Variants in TSPAN18 observed in about 807,000 individuals in gnomAD.
TSPAN18 encodes the protein tetraspanin-18.
A neutral mutation model predicts 27.3 loss-of-function variants in TSPAN18; 14 were observed. The observed-to-expected ratio is 0.51, with a 90% confidence interval of 0.34 to 0.80. TSPAN18 has a LOEUF of 0.80. Among genes scored for constraint, TSPAN18 ranks in the 30% least tolerant of loss-of-function variants. The pLI is 0.01. For missense variants in TSPAN18, 268 were observed against 323.9 expected, an observed-to-expected ratio of 0.83 and a Z score of 1.32; for synonymous variants, 143 against 136.5, an observed-to-expected ratio of 1.05 and a Z score of -0.33.
chr11:44,791,631 C>A (rs1481971282), intron 2 of TSPAN18, among the ~76,000 whole-genome samples: 1 of 152,242 alleles, frequency 6.6e-6, no homozygotes, highest in Non-Finnish European at 1.5e-5. Flanking sequence ...TCCTGGTCCC[C>A]CCTGTGTCCC....
intron 3 of TSPAN18, among the ~76,000 whole-genome samples, chr11:44,891,215 C>T (rs1043302850): frequency 6.6e-6 from 1 of 152,160 alleles, no homozygotes; most frequent in African/African-American, 2.4e-5. Flanking sequence ...TAAATGGTTT[C>T]CTTTTTAATC....
At chr11:44,800,363 G>A (rs1392140630) in intron 2 of TSPAN18, among the ~76,000 whole-genome samples, 3 of 152,178 alleles carry the variant, frequency 2.0e-5, no homozygotes, top group Admixed American at 6.5e-5. Flanking sequence ...GGATCTGGCG[G>A]ATCTGGGGTT....
At chr11:44,805,173 C>T (rs1184589283) in intron 2 of TSPAN18, among the ~76,000 whole-genome samples, 1 of 152,146 alleles carries the variant, frequency 6.6e-6, no homozygotes, top group Non-Finnish European at 1.5e-5. Context: ...AAAGACTGGT[C>T]ATTTTCATAA....
At chr11:44,735,138 C>A (rs890820600) in intron 1 of TSPAN18, among the ~76,000 whole-genome samples, 6 of 152,146 alleles carry the variant, frequency 3.9e-5, no homozygotes, top group African/African-American at 1.2e-4. Flanking sequence ...AAGAGTGTAG[C>A]CTTCCCCTGC....
At chr11:44,734,995 G>C (rs1485244234) in intron 1 of TSPAN18, among the ~76,000 whole-genome samples, 3 of 152,240 alleles carry the variant, frequency 2.0e-5, no homozygotes, top group Admixed American at 6.5e-5. Context: ...GGTCCCTGTG[G>C]AGAAAAGCTG....
chr11:44,915,953 G>A (rs1051241051), intron 5 of TSPAN18, among the ~76,000 whole-genome samples: 3 of 152,198 alleles, frequency 2.0e-5, no homozygotes, highest in African/African-American at 7.2e-5. Flanking sequence ...AGCCCATGGT[G>A]CATCTGAGGG....
intron 2 of TSPAN18, among the ~76,000 whole-genome samples, chr11:44,768,892 ATTTTTTTT>A (rs60616294): frequency 3.1e-4 from 31 of 101,236 alleles, no homozygotes; most frequent in African/African-American, 8.5e-4. Flanking sequence ...ATACTATTTG[ATTTTTTTT>A]TTTTTTTTTT....
At chr11:44,919,719 C>G in intron 7 of TSPAN18, 98 bp from the exon 8 acceptor site, 1 of 1,261,022 alleles carries the variant, frequency 7.9e-7, no homozygotes, top group Non-Finnish European at 1.2e-6. Context: ...ACCCAGTCTT[C>G]TGATGCCACT....
At chr11:44,827,864 C>T (rs1021980463) in intron 2 of TSPAN18, among the ~76,000 whole-genome samples, 1 of 152,150 alleles carries the variant, frequency 6.6e-6, no homozygotes, top group African/African-American at 2.4e-5. Flanking sequence ...ATGGCTGGGT[C>T]CTGAAACAGG....
chr11:44,911,188 C>T (rs565417785), intron 5 of TSPAN18, among the ~76,000 whole-genome samples: 4 of 152,294 alleles, frequency 2.6e-5, no homozygotes, highest in Non-Finnish European at 4.4e-5. Context: ...GGTAAGCTTG[C>T]GGATGCTCCT....
chr11:44,770,242 A>C (rs1250324367), intron 2 of TSPAN18, among the ~76,000 whole-genome samples: 1 of 152,230 alleles, frequency 6.6e-6, no homozygotes, highest in African/African-American at 2.4e-5. Flanking sequence ...GGTGCTATGA[A>C]GTTCAATAAT....
chr11:44,727,701 A>AGGGACTGGGAGCGGCGATC (rs1171456630), intron 1 of TSPAN18, among the ~76,000 whole-genome samples: 2 of 151,894 alleles, frequency 1.3e-5, no homozygotes, highest in African/African-American at 2.4e-5. Context: ...GTGAGGGACC[A>AGGGACTGGGAGCGGCGATC]GGGACTGGGA....
intron 2 of TSPAN18, among the ~76,000 whole-genome samples, chr11:44,857,462 C>G (rs535138850): frequency 7.2e-5 from 11 of 152,364 alleles, no homozygotes; most frequent in African/African-American, 2.6e-4. Flanking sequence ...GCTTCCCTAC[C>G]TGCTGGCAGC....
Position 44,837,789 on chromosome 11 carries a change from C to T in TSPAN18, c.-152-22539C>T, listed in dbSNP as rs577845251. On this transcript the variant is annotated intron_variant, in intron 2 of 9. Transcript: ENST00000520358. Reference sequence around the variant, plus strand: ...CATTACTACTTGCTGAAGGCTCAGACGATATTTAGCATTTTTTAGCAATGA... The same window carrying T: ...CATTACTACTTGCTGAAGGCTCAGATGATATTTAGCATTTTTTAGCAATGA... Among the ~76,000 whole-genome samples the T allele has an allele frequency of 3.9e-5, 6 of 152,300 alleles. No homozygotes were observed. In the South Asian group the frequency reaches 6.2e-4, roughly 16 times the overall value.
At chr11:44,890,742 CAAA>C (rs60185116) in intron 3 of TSPAN18, among the ~76,000 whole-genome samples, 14 of 80,426 alleles carry the variant, frequency 1.7e-4, no homozygotes, top group East Asian at 7.2e-4. Context: ...GACTCCAACT[CAAA>C]AAAAAAAAAA....
At chr11:44,729,213 T>C (rs2134783438) in intron 1 of TSPAN18, among the ~76,000 whole-genome samples, 1 of 152,322 alleles carries the variant, frequency 6.6e-6, no homozygotes, top group South Asian at 2.1e-4. Context: ...AAGCCTGCTG[T>C]GTCTGGATAG....
intron 2 of TSPAN18, among the ~76,000 whole-genome samples, chr11:44,850,847 G>C (rs1385048485): frequency 1.1e-4 from 17 of 152,086 alleles, no homozygotes; most frequent in Admixed American, 9.8e-4. Context: ...CACTCCCCTG[G>C]CTCAGGCTCC....
chr11:44,856,343 C>G (rs1857737323), intron 2 of TSPAN18, among the ~76,000 whole-genome samples: 1 of 152,200 alleles, frequency 6.6e-6, no homozygotes, highest in African/African-American at 2.4e-5. Flanking sequence ...CACTCTGCCC[C>G]AACAGGCGGG....
At chr11:44,835,023 A>C (rs1857235851) in intron 2 of TSPAN18, among the ~76,000 whole-genome samples, 1 of 152,164 alleles carries the variant, frequency 6.6e-6, no homozygotes, top group Non-Finnish European at 1.5e-5. Context: ...ACACCCTCAG[A>C]CATTGGCTAA....
Sources: gnomAD v4.1 joint callset for allele counts (sites outside exome capture counted in the v4.1 genomes callset) on GRCh38, gnomAD v4.1.1 for gene constraint, MANE v1.5 for transcripts, NCBI Gene and HGNC (gene_info 2026-07-23, HGNC 2026-07-21) for gene names.